Variants in SEC14L5 observed in about 807,000 individuals in gnomAD.
SEC14L5 encodes SEC14-like protein 5.
SEC14L5 carries 96 observed loss-of-function variants against 84.6 expected under a neutral mutation model. The observed-to-expected ratio is 1.13, with a 90% CI of 0.96 to 1.34. SEC14L5 has a LOEUF of 1.34. Ranked by LOEUF, SEC14L5 falls within the 40% of genes most tolerant of loss-of-function variation. The probability of loss-of-function intolerance (pLI) is 0.00; values close to 1 mark genes in which losing one functional copy is unlikely to be tolerated. For synonymous variants in SEC14L5, 546 were observed against 383.4 expected (o/e 1.42, Z -4.95); for missense variants, 1,224 against 942.5 (o/e 1.30, Z -3.91).
At chr16:4,988,322 CTG>C (rs758929563) in intron 4 of SEC14L5, 42 bp downstream of exon 4, 10 of 1,601,818 alleles carry the variant, frequency 6.2e-6, no homozygotes, top group Non-Finnish European at 8.5e-6. Flanking sequence ...CGGCACCCAC[CTG>C]CGCCCGGCAC....
rs537544461 is a variant in SEC14L5 at position 4,961,512 on chromosome 16, A to T, written c.63+2126A>T. 3.9e-5 allele frequency among the ~76,000 whole-genome samples: 6 copies of T among 152,204 alleles called. 1 individual carries two copies. Among genetic ancestry groups the T allele is most frequent in the African/African-American group, 1.4e-4 (6 of 41,542 alleles). ...CCCAGGTAATTTTTGTATTTTCAGT[A>T]TAGACGGGGTTTCATCACGTTGGCC... is the stretch of plus-strand genomic sequence containing the variant. On this transcript the variant is annotated intron_variant, in intron 2 of 15. Coordinates refer to ENST00000251170, the MANE Select transcript of SEC14L5 (RefSeq NM_014692.2).
intron 2 of SEC14L5, among the ~76,000 whole-genome samples, chr16:4,967,840 C>G (rs933323656): frequency 2.0e-5 from 3 of 151,146 alleles, no homozygotes; most frequent in Non-Finnish European, 3.0e-5. Context: ...CTCCTGACCT[C>G]AGGTGATCCA....
rs893461592 is a variant in SEC14L5 at position 5,003,332 on chromosome 16, C to A, written c.1131-70C>A. 5 of 1,254,614 alleles carry A rather than the reference C, an allele frequency of 4.0e-6. No individual in the cohort carries two copies. The African/African-American group carries it at 5.9e-5, about 15-fold the overall frequency. 77.7% of individuals were successfully genotyped at this position (1,254,614 alleles called of 1,614,324 possible). The stretch of plus-strand genomic sequence containing the variant: ...CTCTCGGAGCCTCCCTGTTCATCCC[C>A]TGTGGGGAGGGTGTTGGTGGCCTTG... On this transcript the variant is annotated intron_variant, in intron 10 of 15. Transcript: ENST00000251170.
chr16:5,003,291 C>T, intron 10 of SEC14L5, 111 bp from the exon 11 acceptor site: 1 of 788,486 alleles, frequency 1.3e-6, no homozygotes, highest in South Asian at 1.5e-5. Context: ...GAGCCCCCAT[C>T]TGCTCCCAGC....
chr16:5,003,705 A>G (rs1210787267), intron 11 of SEC14L5, 132 bp downstream of exon 11: 2 of 631,884 alleles, frequency 3.2e-6, no homozygotes, highest in East Asian at 2.8e-5. Flanking sequence ...AAACTCACAT[A>G]GCATAAAGCT....
intron 2 of SEC14L5, among the ~76,000 whole-genome samples, chr16:4,975,757 C>T (rs1163680509): frequency 1.3e-5 from 2 of 152,042 alleles, no homozygotes; most frequent in South Asian, 4.1e-4. Context: ...CTGAGGTCCC[C>T]TAGACTTGCA....
chr16:4,991,435 G>A (rs1408924890), intron 5 of SEC14L5, among the ~76,000 whole-genome samples: 1 of 151,890 alleles, frequency 6.6e-6, no homozygotes, highest in Non-Finnish European at 1.5e-5. Context: ...GTGTGGTGGT[G>A]TGTGCCTATA....
chr16:5,002,348 G>A (rs1313853902), intron 10 of SEC14L5, among the ~76,000 whole-genome samples: 4 of 150,166 alleles, frequency 2.7e-5, no homozygotes, highest in Admixed American at 2.0e-4. Context: ...CCAGGCTGGA[G>A]TACAGTGGTG....
chr16:5,009,975 G>C (rs934872876), intron 14 of SEC14L5, among the ~76,000 whole-genome samples: 1 of 151,894 alleles, frequency 6.6e-6, no homozygotes, highest in Non-Finnish European at 1.5e-5. Flanking sequence ...GATAGAAGGG[G>C]AGGTGCTAAG....
chr16:4,991,801 C>T, intron 5 of SEC14L5, 37 bp from the exon 6 acceptor site: 1 of 1,479,692 alleles, frequency 6.8e-7, no homozygotes, highest in South Asian at 1.3e-5. Context: ...TCCATCCTGC[C>T]CCGTGCTCAT....
intron 2 of SEC14L5, among the ~76,000 whole-genome samples, chr16:4,980,194 A>G (rs1018803265): frequency 6.6e-6 from 1 of 152,226 alleles, no homozygotes; most frequent in Non-Finnish European, 1.5e-5. Flanking sequence ...AACACTTTAT[A>G]AAGTCCTTAA....
intron 2 of SEC14L5, among the ~76,000 whole-genome samples, chr16:4,971,873 T>C (rs1351001836): frequency 6.6e-6 from 1 of 152,192 alleles, no homozygotes; most frequent in Non-Finnish European, 1.5e-5. Context: ...TCCCAGGTGT[T>C]GTACAAGGCA....
At chr16:5,008,382 C>A in intron 13 of SEC14L5, 39 bp from the exon 14 acceptor site, 1 of 1,479,700 alleles carries the variant, frequency 6.8e-7, no homozygotes. Flanking sequence ...GCTCTACTCT[C>A]TCGGCCGTGA....
At chr16:4,988,694 A>T (rs1185499889) in intron 4 of SEC14L5, among the ~76,000 whole-genome samples, 1 of 152,200 alleles carries the variant, frequency 6.6e-6, no homozygotes, top group Non-Finnish European at 1.5e-5. Context: ...CACAGGTAGT[A>T]TGTGGCGCCT....
chr16:4,971,675 C>G (rs1955282197), intron 2 of SEC14L5, among the ~76,000 whole-genome samples: 1 of 152,146 alleles, frequency 6.6e-6, no homozygotes, highest in African/African-American at 2.4e-5. Context: ...TGCTGATGTC[C>G]CCTGGGAGTG....
Position 5,005,812 on chromosome 16 carries a change from C to A in SEC14L5, c.1303-102C>A, listed in dbSNP as rs558718635. 1.2e-5 allele frequency: 14 copies of A among 1,185,564 alleles called. No individual in the cohort carries two copies. The East Asian group carries it at 3.8e-4, about 32-fold the overall frequency. The allele number at this position is 1,185,564 out of a possible 1,614,324, so 73.4% of individuals were successfully genotyped here. On this transcript the variant is annotated intron_variant, in intron 11 of 15. Transcript: ENST00000251170. ...CCGGGAGGTGGAGCTTGCAGTGAGC[C>A]AAGATCATGCCACTGCACTCCAGCC...
intron 2 of SEC14L5, among the ~76,000 whole-genome samples, chr16:4,965,559 G>C (rs1955189263): frequency 6.7e-6 from 1 of 148,402 alleles, no homozygotes; most frequent in Non-Finnish European, 1.5e-5. Flanking sequence ...TACTCGGGAG[G>C]CTGAGGCAGG....
In SEC14L5 at chr16:5,018,033, C is replaced by G. The variant is rs1237572566; in HGVS notation, c.*3063C>G. ...TTGAATTTAGGCCAGGACTCAAACC[C>G]CAGCCTTCCTTTCACTAGCTGTGTA... On this transcript the variant is annotated 3_prime_UTR_variant, in exon 16 of 16. Coordinates refer to ENST00000251170, the MANE Select transcript of SEC14L5 (RefSeq NM_014692.2). The G allele has an allele frequency of 6.6e-6, 1 of 152,286 alleles. No individual in the cohort carries two copies. Among genetic ancestry groups the G allele is most frequent in the Non-Finnish European group, 1.5e-5 (1 of 68,124 alleles). 9.4% of individuals were successfully genotyped at this position (152,286 alleles called of 1,614,324 possible).
In SEC14L5 at chr16:5,017,401, G is replaced by A. The variant is rs979408747; in HGVS notation, c.*2431G>A. ...TGGATCCAGGAGCTTAATGTCCTCA[G>A]GCCTCTCAACTGCACCCAGGCCTCT... On this transcript the variant is annotated 3_prime_UTR_variant, in exon 16 of 16. Transcript: ENST00000251170. The A allele has an allele frequency of 2.6e-5, 4 of 152,280 alleles. No individual in the cohort carries two copies. Among genetic ancestry groups the A allele is most frequent in the African/African-American group, 9.7e-5 (4 of 41,442 alleles). 9.4% of individuals were successfully genotyped at this position (152,280 alleles called of 1,614,324 possible).
Sources: gnomAD v4.1 joint callset for allele counts (sites outside exome capture counted in the v4.1 genomes callset) on GRCh38, gnomAD v4.1.1 for gene constraint, MANE v1.5 for transcripts, NCBI Gene and HGNC (gene_info 2026-07-23, HGNC 2026-07-21) for gene names.